TRDN: variants seen among roughly 807,000 people sequenced by gnomAD.
The protein encoded by TRDN is triadin.
TRDN carries 161 observed loss-of-function variants against 149.7 expected under a neutral mutation model. The ratio of observed to expected loss-of-function variants is 1.08; its 90% CI spans 0.95 to 1.23. The LOEUF (loss-of-function observed/expected upper bound fraction) is 1.23. TRDN is among the 50% of genes most tolerant of loss of function. The pLI is 0.00. For missense variants in TRDN, 896 were observed against 823.5 expected (o/e 1.09, Z -1.08); for synonymous variants, 294 against 250.5 (o/e 1.17, Z -1.64).
At chr6:123,491,174 A>G (rs1045049319) in intron 9 of TRDN, among the ~76,000 whole-genome samples, 1 of 152,078 alleles carries the variant, frequency 6.6e-6, no homozygotes, top group Admixed American at 6.6e-5. Flanking sequence ...ATGTTTTATT[A>G]TGAAATGAAG....
intron 12 of TRDN, among the ~76,000 whole-genome samples, chr6:123,394,054 T>C (rs534053614): frequency 6.6e-6 from 1 of 152,138 alleles, no homozygotes; most frequent in Non-Finnish European, 1.5e-5. Context: ...TAAGATGACT[T>C]ACTGAAGGTC....
At chr6:123,568,613 G>A (rs1451082980) in intron 2 of TRDN, among the ~76,000 whole-genome samples, 1 of 152,188 alleles carries the variant, frequency 6.6e-6, no homozygotes, top group Non-Finnish European at 1.5e-5. Flanking sequence ...CACATGAAAG[G>A]CACCAAGGCT....
At chr6:123,287,778 A>G (rs1777853562) in intron 24 of TRDN, among the ~76,000 whole-genome samples, 1 of 152,112 alleles carries the variant, frequency 6.6e-6, no homozygotes, top group Non-Finnish European at 1.5e-5. Flanking sequence ...ATAAGAAAAA[A>G]TATTTTAACA....
At chr6:123,240,952 T>A (rs1775968235) in intron 38 of TRDN, among the ~76,000 whole-genome samples, 1 of 151,938 alleles carries the variant, frequency 6.6e-6, no homozygotes, top group South Asian at 2.1e-4. Context: ...CTAGAAAGTA[T>A]CATTAATTTA....
At chr6:123,265,543 A>C (rs1157388135) in intron 32 of TRDN, among the ~76,000 whole-genome samples, 1 of 151,346 alleles carries the variant, frequency 6.6e-6, no homozygotes, top group Non-Finnish European at 1.5e-5. Context: ...TAAAGCCTGA[A>C]AGTATGGAAT....
intron 24 of TRDN, among the ~76,000 whole-genome samples, chr6:123,313,713 C>G (rs1778917093): frequency 6.6e-6 from 1 of 151,922 alleles, no homozygotes; most frequent in African/African-American, 2.4e-5. Context: ...AATAAGACTC[C>G]ACACCTACAA....
At chr6:123,388,276 TAGGATTTTG>T in intron 14 of TRDN, among the ~76,000 whole-genome samples, 1 of 152,280 alleles carries the variant, frequency 6.6e-6, no homozygotes, top group Admixed American at 6.5e-5. Context: ...GTAGGAGCCC[TAGGATTTTG>T]AGAAGCTATG....
intron 1 of TRDN, among the ~76,000 whole-genome samples, chr6:123,589,396 C>G (rs973250437): frequency 1.3e-5 from 2 of 152,152 alleles, no homozygotes; most frequent in African/African-American, 4.8e-5. Context: ...CTAGCCCCAG[C>G]ATTCCTCCTA....
At chr6:123,352,747 C>T (rs1465149209) in intron 20 of TRDN, among the ~76,000 whole-genome samples, 161 bp from the exon 21 acceptor site, 1 of 151,876 alleles carries the variant, frequency 6.6e-6, no homozygotes, top group Admixed American at 6.6e-5. Flanking sequence ...GCAATTGAAA[C>T]CAGATTTTAT....
At chr6:123,514,747 C>G (rs1035139860) in intron 6 of TRDN, among the ~76,000 whole-genome samples, 2 of 151,804 alleles carry the variant, frequency 1.3e-5, no homozygotes, top group African/African-American at 2.4e-5. Context: ...AATCTTTCAA[C>G]TTATAAATAG....
intron 5 of TRDN, among the ~76,000 whole-genome samples, chr6:123,521,922 C>G (rs1392732785): frequency 1.3e-5 from 2 of 152,130 alleles, no homozygotes; most frequent in African/African-American, 2.4e-5. Flanking sequence ...TTATCATTAA[C>G]TGGATCTTAT....
intron 24 of TRDN, among the ~76,000 whole-genome samples, chr6:123,289,940 C>T (rs1777943056): frequency 1.3e-5 from 2 of 152,094 alleles, no homozygotes; most frequent in South Asian, 2.1e-4. Flanking sequence ...AGTTCTCCAC[C>T]AACTCCAGAG....
chr6:123,315,922 C>T (rs916336701), intron 24 of TRDN, among the ~76,000 whole-genome samples: 3 of 151,764 alleles, frequency 2.0e-5, no homozygotes, highest in Non-Finnish European at 4.4e-5. Context: ...AAATTAATGG[C>T]CAATAGGTCA....
At chr6:123,231,955 A>G (rs4357155) in intron 38 of TRDN, among the ~76,000 whole-genome samples, 72,786 of 151,910 alleles carry the variant, frequency 0.48, 17,673 homozygotes, top group Admixed American at 0.57. Context: ...GAAGAAGTTT[A>G]TGATATGAAG....
chr6:123,224,758 A>C (rs1340753255), intron 38 of TRDN, among the ~76,000 whole-genome samples: 1 of 151,794 alleles, frequency 6.6e-6, no homozygotes, highest in Non-Finnish European at 1.5e-5. Flanking sequence ...AAATCAATTC[A>C]AAATGGATTT....
intron 5 of TRDN, chr6:123,529,279 A>T: frequency 6.5e-7 from 1 of 1,549,002 alleles, no homozygotes. Context: ...CGTACTCAAG[A>T]GCTGTGTCCA....
At chr6:123,396,153 T>C (rs943112637) in intron 12 of TRDN, among the ~76,000 whole-genome samples, 4 of 152,216 alleles carry the variant, frequency 2.6e-5, no homozygotes, top group African/African-American at 9.6e-5. Context: ...GCACCAAATA[T>C]TGTACTACTG....
intron 38 of TRDN, among the ~76,000 whole-genome samples, chr6:123,236,105 C>T (rs751006014): frequency 2.6e-5 from 4 of 152,158 alleles, no homozygotes; most frequent in Non-Finnish European, 5.9e-5. Context: ...GTGCCAGTAC[C>T]ATTTTGCCTT....
intron 38 of TRDN, among the ~76,000 whole-genome samples, chr6:123,245,068 C>T (rs1776125025): frequency 6.6e-6 from 1 of 152,158 alleles, no homozygotes; most frequent in East Asian, 1.9e-4. Context: ...CACCACCAGG[C>T]CTGCCTTACA....
Sources: allele counts gnomAD v4.1 joint callset (sites outside exome capture counted in the v4.1 genomes callset), GRCh38; gene constraint gnomAD v4.1.1; transcripts MANE v1.5; gene names NCBI Gene and HGNC (gene_info 2026-07-23, HGNC 2026-07-21).